LTBP2: variants seen among roughly 807,000 people sequenced by gnomAD.
The protein encoded by LTBP2 is latent-transforming growth factor beta-binding protein 2.
Under a neutral mutation model 210.6 loss-of-function variants are expected in LTBP2, and 103 were observed. That is an observed-to-expected ratio of 0.49 (90% CI 0.42 to 0.58). The LOEUF (loss-of-function observed/expected upper bound fraction) is 0.58, where lower values mean the gene tolerates loss of function less well. Ranked by LOEUF, LTBP2 falls within the 20% of genes least tolerant of loss-of-function variation. The pLI, the probability that LTBP2 is intolerant of heterozygous loss-of-function variation, is 0.00. For missense variants in LTBP2, 2,313 were observed against 2,494.5 expected, an observed-to-expected ratio of 0.93 and a Z score of 1.55; for synonymous variants, 1,007 against 1,015.0, an observed-to-expected ratio of 0.99 and a Z score of 0.15.
rs1388017220 is a variant in LTBP2, at chr14:74,611,592, G to C, written c.353C>G (p.Pro118Arg). ...RAQQSRRVQP[P>R]AQTRRSTPLG... ...GGGAGTGCTTCTCCGGGTCTGCGCA[G>C]GTGGCTGGACACGCCGCGACTGCTG... The change falls in exon 1 of 36, where the codon CCT becomes CGT. Residue 118 changes from proline (P) to arginine (R), a missense_variant. Physicochemically the swap from Pro to Arg is moderately radical, Grantham distance 103. Transcript: ENST00000261978. 6.4e-7 allele frequency: 1 copy of C among 1,574,654 alleles called. No individual in the cohort carries two copies. Among genetic ancestry groups the C allele is most frequent in the Non-Finnish European group, 8.6e-7 (1 of 1,166,748 alleles).
Position 74,508,659 on chromosome 14 carries a change from GA to G in LTBP2, c.3596del (p.Phe1199SerfsTer106). The G allele has an allele frequency of 6.2e-7, 1 of 1,613,396 alleles. No homozygotes were observed. The highest frequency in any genetic ancestry group is 8.5e-7 in the Non-Finnish European group (1 of 1,180,000). On this transcript the variant is annotated frameshift_variant, in exon 24 of 36. Transcript: ENST00000261978. LOFTEE classifies it high-confidence loss of function. Reference protein sequence around the residue: ...HGECLNSHGSFFCLCAPGFVS... With the variant: ...HGECLNSHGSXFCLCAPGFVS... Reference sequence around the variant, plus strand: ...CGAAGCCAGGCGCGCACAGACAGAAGAAAGACCCGTGGCTGTTGAGGCACTC... The same window carrying G: ...CGAAGCCAGGCGCGCACAGACAGAAGAAGACCCGTGGCTGTTGAGGCACTC...
In LTBP2 at chr14:74,550,901, A is replaced by G. The variant is rs145176733; in HGVS notation, c.1686+163T>C. Among the ~76,000 whole-genome samples the G allele has an allele frequency of 5.2e-4, 79 of 152,302 alleles. No homozygotes were observed. The East Asian group carries it at 0.013, about 26-fold the overall frequency. On this transcript the variant is annotated intron_variant, in intron 7 of 35. Coordinates refer to ENST00000261978, the MANE Select transcript of LTBP2 (RefSeq NM_000428.3). ...GGAAGGAGGCCCAGACTCTCCATAC[A>G]TGGACAATTTCATGCCTTGGGTTTT...
intron 3 of LTBP2, among the ~76,000 whole-genome samples, chr14:74,582,093 C>G (rs1371911599): frequency 6.7e-6 from 1 of 150,156 alleles, no homozygotes; most frequent in Non-Finnish European, 1.5e-5. Flanking sequence ...CATCTCAGCT[C>G]ACTGCAACCT....
chr14:74,522,298 C>T (rs955692333), intron 16 of LTBP2, among the ~76,000 whole-genome samples: 29 of 152,228 alleles, frequency 1.9e-4, no homozygotes, highest in South Asian at 6.2e-4. Flanking sequence ...CCCCAGTAGC[C>T]TCATGATTCC....
intron 3 of LTBP2, among the ~76,000 whole-genome samples, chr14:74,576,063 A>G (rs1297897100): frequency 6.6e-6 from 1 of 152,162 alleles, no homozygotes; most frequent in Non-Finnish European, 1.5e-5. Context: ...GGGTCTGTCA[A>G]GCCCACTCTC....
rs754942905 is a variant in LTBP2, at chr14:74,507,237, G to A, written c.3849C>T (p.Tyr1283=). The A allele has an allele frequency of 6.2e-7, 1 of 1,614,200 alleles. No homozygotes were observed. Among genetic ancestry groups the A allele is most frequent in the Non-Finnish European group, 8.5e-7 (1 of 1,180,024 alleles). Residue 1283 remains tyrosine, a synonymous_variant, in exon 26 of 36, where the codon TAC becomes TAT. Transcript: ENST00000261978. ...TWKCENSPGS[Y]RCVLGCQPGF... ...CAGGCTGGCAGCCCAGAACACAGCG[G>A]TAGGAGCCAGGGCTGTTTTCACACT...
rs2087667514 is a variant in LTBP2, at chr14:74,552,179, G to A, written c.1399+8C>T. ...GGGTCCCGCCGGCCCAGCTGTGCCGGCACTCACCCAGCTGGTTGGAGAGCG... is the reference window on the plus strand; with the variant it reads ...GGGTCCCGCCGGCCCAGCTGTGCCGACACTCACCCAGCTGGTTGGAGAGCG... On this transcript the variant is annotated splice_region_variant and intron_variant, in intron 6 of 35. Coordinates refer to ENST00000261978, the MANE Select transcript of LTBP2 (RefSeq NM_000428.3). 2 of 1,592,404 alleles carry A rather than the reference G, an allele frequency of 1.3e-6. No individual in the cohort carries two copies. Among genetic ancestry groups the A allele is most frequent in the Admixed American group, 1.8e-5 (1 of 56,886 alleles).
Position 74,567,472 on chromosome 14 carries a change from G to A in LTBP2, c.831-11779C>T, listed in dbSNP as rs558768177. On this transcript the variant is annotated intron_variant, in intron 3 of 35. Transcript: ENST00000261978. ...GCCACCTCAGGGGCAGAGGCGGGGT[G>A]GGGGTGGCCCTGAGAGGTTCTCAGG... 8.0e-4 allele frequency among the ~76,000 whole-genome samples: 122 copies of A among 152,252 alleles called. 1 individual carries two copies. The highest frequency in any genetic ancestry group is 2.8e-3 in the African/African-American group (117 of 41,562).
At chr14:74,504,306 C>A (rs1176373310) in intron 30 of LTBP2, among the ~76,000 whole-genome samples, 1 of 152,252 alleles carries the variant, frequency 6.6e-6, no homozygotes, top group African/African-American at 2.4e-5. Context: ...CCAAGAAAAG[C>A]AATCTCTGTC....
intron 8 of LTBP2, among the ~76,000 whole-genome samples, chr14:74,543,016 C>T (rs2087529376): frequency 1.3e-5 from 2 of 152,080 alleles, no homozygotes; most frequent in East Asian, 3.9e-4. Flanking sequence ...ATCTGCCCAT[C>T]TTGGTCTCCC....
intron 3 of LTBP2, among the ~76,000 whole-genome samples, chr14:74,562,208 C>T (rs2087803014): frequency 6.7e-6 from 1 of 149,078 alleles, no homozygotes; most frequent in African/African-American, 2.5e-5. Flanking sequence ...GAGACTCCGT[C>T]TCAGAAAAAA....
chr14:74,508,754 G>A, intron 23 of LTBP2, 25 bp from the exon 24 acceptor site: 3 of 1,613,446 alleles, frequency 1.9e-6, no homozygotes, highest in Non-Finnish European at 1.7e-6. Context: ...TGGGGAGTGG[G>A]TGTCTGCTGG....
In LTBP2 at chr14:74,506,054, C is replaced by A; in HGVS notation, c.4171G>T (p.Ala1391Ser). ...TGTGTCTCCCAGGCCTCACCTCCAGCCCCCCGTGGGCGGCAGTGCCCCTCC... is the reference window on the plus strand; with the variant it reads ...TGTGTCTCCCAGGCCTCACCTCCAGACCCCCGTGGGCGGCAGTGCCCCTCC... ...AQEGHCRPRG[A>S]GGQSMSEAPT... The change falls in exon 28 of 36, where the codon GCT (alanine) becomes TCT (serine). Residue 1391 changes from alanine to serine, a missense_variant. Physicochemically the swap from Ala to Ser is moderately conservative, Grantham distance 99. This residue lies in a region of LTBP2 where 1,867 missense variants were observed against 1,976.9 expected (regional missense o/e 0.94). Coordinates refer to ENST00000261978, the MANE Select transcript of LTBP2 (RefSeq NM_000428.3). 1 of 1,614,114 alleles carries A rather than the reference C, an allele frequency of 6.2e-7. No individual in the cohort carries two copies. The highest frequency in any genetic ancestry group is 1.3e-5 in the African/African-American group (1 of 75,056).
intron 18 of LTBP2, among the ~76,000 whole-genome samples, chr14:74,515,608 T>G (rs2087124933): frequency 6.6e-6 from 1 of 152,166 alleles, no homozygotes; most frequent in South Asian, 2.1e-4. Context: ...TTTCCTCTCA[T>G]TTTACTTCTC....
chr14:74,598,278 G>A (rs964518419), intron 2 of LTBP2, among the ~76,000 whole-genome samples: 1 of 152,346 alleles, frequency 6.6e-6, no homozygotes, highest in Middle Eastern at 3.4e-3. Flanking sequence ...CAGGGTTCTC[G>A]TAGGACTGAG....
chr14:74,503,058 C>T, intron 33 of LTBP2, 124 bp from the exon 34 acceptor site: 2 of 1,463,014 alleles, frequency 1.4e-6, no homozygotes, highest in Non-Finnish European at 9.4e-7. Flanking sequence ...ACATTCCTCT[C>T]CCCACCTCTC....
At position 74,506,210 on chromosome 14, in the gene LTBP2, G is replaced by A; in HGVS notation, c.4034-19C>T. 6.2e-7 allele frequency: 1 copy of A among 1,614,076 alleles called. No individual in the cohort carries two copies. The highest frequency in any genetic ancestry group is 8.5e-7 in the Non-Finnish European group (1 of 1,180,020). ...TTCACATCTGCCAGGTGTGAGAACA[G>A]GCTCGTGGGCAGAAAAGAGGCAGCC... is the stretch of plus-strand genomic sequence containing the variant. On this transcript the variant is annotated intron_variant, in intron 27 of 35. Transcript: ENST00000261978.
rs60337900 is a variant in LTBP2 at position 74,555,609 on chromosome 14, C to T, written c.915G>A (p.Thr305=). 2.4e-3 allele frequency: 3,842 copies of T among 1,610,074 alleles called. 100 individuals carry two copies. In the African/African-American group the frequency reaches 0.046, roughly 19 times the overall value. ...CGTTGGAAGAGAGCTGGCTACTGGCCGTGGCAGTCGGGTGAAGTCGGACAG... is the reference window on the plus strand; with the variant it reads ...CGTTGGAAGAGAGCTGGCTACTGGCTGTGGCAGTCGGGTGAAGTCGGACAG... ...SRTVRLHPTA[T]ASSQLSSNAL... The change falls in exon 4 of 36, where the codon ACG becomes ACA. Residue 305 remains threonine, a synonymous_variant. Coordinates refer to ENST00000261978, the MANE Select transcript of LTBP2 (RefSeq NM_000428.3).
At chr14:74,606,725 G>A (rs1035969531) in intron 1 of LTBP2, among the ~76,000 whole-genome samples, 1 of 152,126 alleles carries the variant, frequency 6.6e-6, no homozygotes, top group Admixed American at 6.5e-5. Context: ...TGTAGTCCCA[G>A]CTACTCACTC....
Sources: allele counts gnomAD v4.1 joint callset (sites outside exome capture counted in the v4.1 genomes callset), GRCh38; gene constraint gnomAD v4.1.1; regional missense constraint gnomAD v4.1.1; transcripts MANE v1.5; gene names NCBI Gene and HGNC (gene_info 2026-07-23, HGNC 2026-07-21).